The following MEGF10 variants were observed in gnomAD, a reference collection of about 807,000 sequenced individuals.
MEGF10 encodes multiple EGF like domains 10.
Under a neutral mutation model 147.5 loss-of-function variants are expected in MEGF10, and 86 were observed. The observed-to-expected ratio is 0.58, with a 90% CI of 0.49 to 0.70. The LOEUF is 0.70. MEGF10 is among the 30% of genes least tolerant of loss of function. The pLI, the probability that MEGF10 is intolerant of heterozygous loss-of-function variation, is 0.00. For missense variants in MEGF10, 1,329 were observed against 1,487.3 expected (o/e 0.89, Z 1.75); for synonymous variants, 478 against 525.5 (o/e 0.91, Z 1.24).
At chr5:127,341,522 A>G (rs1170224670) in intron 4 of MEGF10, among the ~76,000 whole-genome samples, 2 of 152,090 alleles carry the variant, frequency 1.3e-5, no homozygotes, top group Admixed American at 6.6e-5. Flanking sequence ...CAGATAAACC[A>G]TTTATACGTC....
intron 1 of MEGF10, among the ~76,000 whole-genome samples, chr5:127,293,861 C>T (rs1759374737): frequency 6.6e-6 from 1 of 152,190 alleles, no homozygotes. Context: ...GAAACACTGG[C>T]TTACAGCATA....
intron 1 of MEGF10, among the ~76,000 whole-genome samples, chr5:127,299,282 T>A (rs925995786): frequency 6.6e-6 from 1 of 152,212 alleles, no homozygotes; most frequent in Non-Finnish European, 1.5e-5. Context: ...ATGGTCACTG[T>A]GTATATATTA....
At chr5:127,441,418 C>T (rs901116649) in intron 18 of MEGF10, among the ~76,000 whole-genome samples, 1 of 152,206 alleles carries the variant, frequency 6.6e-6, no homozygotes, top group Admixed American at 6.5e-5. Context: ...CAACATACTG[C>T]CTTAAAATTT....
intron 1 of MEGF10, among the ~76,000 whole-genome samples, chr5:127,303,803 T>C (rs1057288143): frequency 6.6e-6 from 1 of 152,214 alleles, no homozygotes; most frequent in African/African-American, 2.4e-5. Context: ...GCTTGCCCCA[T>C]TGTTAACTGA....
intron 9 of MEGF10, among the ~76,000 whole-genome samples, chr5:127,416,883 G>T (rs1764797764): frequency 6.6e-6 from 1 of 152,188 alleles, no homozygotes; most frequent in South Asian, 2.1e-4. Context: ...TCTGATGGGA[G>T]GTCACTTAGC....
intron 3 of MEGF10, 101 bp downstream of exon 3, chr5:127,339,322 AAT>A: frequency 1.2e-6 from 1 of 802,444 alleles, no homozygotes; most frequent in East Asian, 2.7e-5. Context: ...TCATTCAGTG[AAT>A]AGGTATTGAG....
At chr5:127,413,662 A>G (rs536595005) in intron 9 of MEGF10, among the ~76,000 whole-genome samples, 10 of 152,368 alleles carry the variant, frequency 6.6e-5, no homozygotes, top group African/African-American at 1.9e-4. Context: ...GGTAATGAGT[A>G]TATCACCCTT....
the MEGF10 span, among the ~76,000 whole-genome samples, chr5:127,253,382 G>C: frequency 6.6e-6 from 1 of 151,876 alleles, no homozygotes; most frequent in African/African-American, 2.4e-5. Context: ...AAAACCAGGA[G>C]TATTCCTATT....
chr5:127,440,315 T>A (rs1027318399), intron 17 of MEGF10, among the ~76,000 whole-genome samples: 1 of 152,198 alleles, frequency 6.6e-6, no homozygotes, highest in African/African-American at 2.4e-5. Context: ...ATAGAGATGT[T>A]CTGTACTACA....
In MEGF10 at chr5:127,457,943, A is replaced by G. The variant is rs72790451; in HGVS notation, c.*625A>G. 15,724 of 152,274 alleles carry G rather than the reference A, an allele frequency of 0.1. 940 individuals are homozygous for G. The highest frequency in any genetic ancestry group is 0.13 in the Non-Finnish European group (9,160 of 68,028). 9.4% of individuals were successfully genotyped at this position (152,274 alleles called of 1,614,324 possible). The stretch of plus-strand genomic sequence containing the variant: ...ACGAAAATCTTAGATTTTGTTTAGA[A>G]TGAGAAAATATACAATTAGAATTAT... On this transcript the variant is annotated 3_prime_UTR_variant, in exon 25 of 25. Coordinates refer to ENST00000503335, the MANE Select transcript of MEGF10 (RefSeq NM_001256545.2).
rs368963865 is a variant in MEGF10 at position 127,455,635 on chromosome 5, C to T, written c.3232+28C>T. The T allele has an allele frequency of 2.0e-5, 32 of 1,594,096 alleles. No homozygotes were observed. In the Middle Eastern group the frequency reaches 5.0e-4, roughly 25 times the overall value. On this transcript the variant is annotated intron_variant, in intron 24 of 24. Transcript: ENST00000503335. Reference sequence around the variant, plus strand: ...GAGTTCCCTTAACCATAGAAAGAACCGAGTGCTTAAGTTTTTAAAAACAAT... The same window carrying T: ...GAGTTCCCTTAACCATAGAAAGAACTGAGTGCTTAAGTTTTTAAAAACAAT...
chr5:127,390,740 C>A (rs2126905889), intron 5 of MEGF10, among the ~76,000 whole-genome samples: 1 of 152,190 alleles, frequency 6.6e-6, no homozygotes, highest in East Asian at 1.9e-4. Context: ...TCCTGGAAAA[C>A]TAGGTTGTTT....
Position 127,299,303 on chromosome 5 carries a change from T to C in MEGF10, c.-19+8247T>C, listed in dbSNP as rs561451970. Among the ~76,000 whole-genome samples the C allele has an allele frequency of 9.2e-5, 14 of 152,334 alleles. No homozygotes were observed. The South Asian group carries it at 2.9e-3, about 32-fold the overall frequency. ...ACTGTGTATATATTAATAATTCCCT[T>C]CCAGATCTAGATAGCTGTTTTGAAG... On this transcript the variant is annotated intron_variant, in intron 1 of 24. Coordinates refer to ENST00000503335, the MANE Select transcript of MEGF10 (RefSeq NM_001256545.2).
chr5:127,426,482 T>C (rs1765213523), intron 13 of MEGF10, among the ~76,000 whole-genome samples: 1 of 152,200 alleles, frequency 6.6e-6, no homozygotes, highest in Non-Finnish European at 1.5e-5. Flanking sequence ...AGAGGCAGAT[T>C]GCAGTAGAAG....
chr5:127,305,907 C>T (rs1759992010), intron 1 of MEGF10, among the ~76,000 whole-genome samples: 1 of 152,128 alleles, frequency 6.6e-6, no homozygotes, highest in Non-Finnish European at 1.5e-5. Flanking sequence ...CTATGAAAGC[C>T]AAATATCTTC....
chr5:127,396,862 C>T, intron 6 of MEGF10, 84 bp downstream of exon 6: 1 of 1,549,694 alleles, frequency 6.5e-7, no homozygotes, highest in Non-Finnish European at 8.7e-7. Context: ...TTTCTTGTGC[C>T]TCAGTTTGCA....
chr5:127,386,237 T>C (rs999368999), intron 5 of MEGF10, among the ~76,000 whole-genome samples: 2 of 152,242 alleles, frequency 1.3e-5, no homozygotes, highest in Non-Finnish European at 2.9e-5. Context: ...TCAGTTCCTT[T>C]AATAAGCATC....
At chr5:127,369,855 T>C in intron 4 of MEGF10, 55 bp from the exon 5 acceptor site, 1 of 1,435,654 alleles carries the variant, frequency 7.0e-7, no homozygotes, top group East Asian at 2.3e-5. Flanking sequence ...GCTGTGTTGT[T>C]GGCTTTTTTT....
At chr5:127,327,761 C>T (rs1761096406) in intron 1 of MEGF10, among the ~76,000 whole-genome samples, 1 of 144,300 alleles carries the variant, frequency 6.9e-6, no homozygotes, top group African/African-American at 2.6e-5. Flanking sequence ...GTTGCCCAGG[C>T]TGGAGTGCAA....
Sources: gnomAD v4.1 joint callset for allele counts (sites outside exome capture counted in the v4.1 genomes callset) on GRCh38, gnomAD v4.1.1 for gene constraint, MANE v1.5 for transcripts, NCBI Gene and HGNC (gene_info 2026-07-23, HGNC 2026-07-21) for gene names.